The following PCDHA11 variants were observed in gnomAD, a reference collection of about 807,000 sequenced individuals.
PCDHA11 encodes the protein protocadherin alpha 11, also known as protocadherin alpha-11.
In PCDHA11, 61 loss-of-function variants were observed where a neutral mutation model predicts 70.3. That is an observed-to-expected ratio of 0.87 (90% CI 0.71 to 1.07). PCDHA11 has a LOEUF of 1.07. Ranked by LOEUF, PCDHA11 falls within the 50% of genes least tolerant of loss-of-function variation. PCDHA11 has a pLI of 0.00. For synonymous variants in PCDHA11, 633 were observed against 555.1 expected, an observed-to-expected ratio of 1.14 and a Z score of -1.97; for missense variants, 1,324 against 1,237.5, an observed-to-expected ratio of 1.07 and a Z score of -1.05.
chr5:140,884,682 A>C, intron 1 of PCDHA11: 5 of 1,546,956 alleles, frequency 3.2e-6, no homozygotes, highest in Non-Finnish European at 4.4e-6. Flanking sequence ...TATTTTAAAA[A>C]ATTGTCTTAG....
chr5:140,973,468 C>T (rs2096588845), intron 1 of PCDHA11, among the ~76,000 whole-genome samples: 1 of 152,202 alleles, frequency 6.6e-6, no homozygotes, highest in East Asian at 1.9e-4. Context: ...TTTTAGTTTG[C>T]AAATTTCATA....
chr5:140,961,856 C>T (rs781908407), intron 1 of PCDHA11, among the ~76,000 whole-genome samples: 1 of 151,570 alleles, frequency 6.6e-6, no homozygotes, highest in Non-Finnish European at 1.5e-5. Flanking sequence ...GATCATTTAT[C>T]TGGCCACAGA....
chr5:140,974,979 C>T (rs782292099), intron 1 of PCDHA11, among the ~76,000 whole-genome samples: 6 of 152,136 alleles, frequency 3.9e-5, no homozygotes, highest in African/African-American at 7.2e-5. Context: ...CTGAGTTGTC[C>T]GCTCAGGTAT....
chr5:140,902,203 C>CTTTTTTTT (rs148688132), intron 1 of PCDHA11, among the ~76,000 whole-genome samples: 9 of 124,444 alleles, frequency 7.2e-5, no homozygotes, highest in Non-Finnish European at 8.4e-5. Context: ...CTCTCTCTTT[C>CTTTTTTTT]TTTTTTTTTT....
At chr5:140,980,494 A>T (rs868915196) in intron 2 of PCDHA11, among the ~76,000 whole-genome samples, 1 of 152,106 alleles carries the variant, frequency 6.6e-6, no homozygotes, top group African/African-American at 2.4e-5. Context: ...GCTGGGCGTG[A>T]TGGCATGTGC....
At chr5:140,875,447 C>G (rs532829491) in intron 1 of PCDHA11, 1 of 1,584,206 alleles carries the variant, frequency 6.3e-7, no homozygotes, top group African/African-American at 1.4e-5. Flanking sequence ...CTGATTGTCC[C>G]AACTCAGAGG....
chr5:140,990,342 C>A (rs2097389388), intron 3 of PCDHA11, among the ~76,000 whole-genome samples: 1 of 152,124 alleles, frequency 6.6e-6, no homozygotes, highest in Non-Finnish European at 1.5e-5. Flanking sequence ...TAAGTAAAGC[C>A]TGCCCTGTAC....
chr5:140,876,236 T>C (rs782328225), intron 1 of PCDHA11: 24 of 1,613,974 alleles, frequency 1.5e-5, no homozygotes, highest in Non-Finnish European at 1.4e-5. Flanking sequence ...TCTGAAAATG[T>C]CCAAAACGAC....
chr5:140,983,807 G>T (rs1158459034), intron 3 of PCDHA11, among the ~76,000 whole-genome samples: 1 of 152,100 alleles, frequency 6.6e-6, no homozygotes, highest in African/African-American at 2.4e-5. Context: ...TGTGTAAAAG[G>T]TTTTTTCCCA....
rs1222255074 is a variant in PCDHA11 at position 141,012,119 on chromosome 5, A to G, written c.*2182A>G. ...CATTTTGCCCCACTGAAGCCCATGT[A>G]TCTGACCTTACGTGCCTTTTGAACT... On this transcript the variant is annotated 3_prime_UTR_variant, in exon 4 of 4. Coordinates refer to ENST00000398640, the MANE Select transcript of PCDHA11 (RefSeq NM_018902.5). 6.5e-6 allele frequency: 1 copy of G among 153,734 alleles called. No individual in the cohort carries two copies. Among genetic ancestry groups the G allele is most frequent in the African/African-American group, 2.4e-5 (1 of 41,454 alleles). 9.5% of individuals were successfully genotyped at this position (153,734 alleles called of 1,614,324 possible). A position where few individuals can be genotyped will look rare whatever the true frequency, so the allele number is the denominator to read the frequency against.
At chr5:140,954,807 T>TGAAAATGCTTTAGGCACTTTTGTC (rs2095090008) in intron 1 of PCDHA11, among the ~76,000 whole-genome samples, 1 of 152,248 alleles carries the variant, frequency 6.6e-6, no homozygotes, top group Admixed American at 6.5e-5. Flanking sequence ...TTGCTTTTGT[T>TGAAAATGCTTTAGGCACTTTTGTC]GAAATTGCTT....
chr5:140,967,049 A>G (rs782123539), intron 1 of PCDHA11: 12 of 1,612,528 alleles, frequency 7.4e-6, no homozygotes, highest in Non-Finnish European at 9.3e-6. Flanking sequence ...GCTGGACCTG[A>G]CGAGTGGAGC....
At chr5:140,928,293 G>A (rs782241081) in intron 1 of PCDHA11, 1 of 1,614,150 alleles carries the variant, frequency 6.2e-7, no homozygotes, top group South Asian at 1.1e-5. Flanking sequence ...TAGGCCGAGT[G>A]TTTGCCCAGG....
chr5:140,970,948 C>A (rs1339410112), intron 1 of PCDHA11, among the ~76,000 whole-genome samples: 2 of 152,114 alleles, frequency 1.3e-5, no homozygotes, highest in East Asian at 3.8e-4. Flanking sequence ...TGCTGAGAAA[C>A]CATGGGAGGC....
chr5:140,941,191 T>TTTTTCTTTC lies in PCDHA11; in HGVS notation c.2392-37755_2392-37754insTCTTTCTTT, dbSNP rs1554213809. 3.1e-4 allele frequency among the ~76,000 whole-genome samples: 29 copies of TTTTTCTTTC among 93,252 alleles called. No homozygotes were observed. The East Asian group carries it at 6.1e-3, about 20-fold the overall frequency. 61.2% of individuals were successfully genotyped at this position (93,252 alleles called of 152,430 possible). On this transcript the variant is annotated intron_variant, in intron 1 of 3. Transcript: ENST00000398640. ...CATCTTGAACATCCTGCTTCTTTTT[T>TTTTTCTTTC]TTTCTTTCTTCCTTTCTTTCTTCCT...
At chr5:140,969,152 T>C in intron 1 of PCDHA11, 1 of 1,614,002 alleles carries the variant, frequency 6.2e-7, no homozygotes, top group East Asian at 2.2e-5. Flanking sequence ...CTACAAGGCC[T>C]GTCTGACAGC....
chr5:140,885,051 A>G (rs2060446316), intron 1 of PCDHA11, among the ~76,000 whole-genome samples: 1 of 152,230 alleles, frequency 6.6e-6, no homozygotes, highest in Non-Finnish European at 1.5e-5. Context: ...TAATGTATAC[A>G]TATACCCACA....
At chr5:140,897,438 G>A (rs2066109195) in intron 1 of PCDHA11, among the ~76,000 whole-genome samples, 1 of 149,226 alleles carries the variant, frequency 6.7e-6, no homozygotes, top group African/African-American at 2.5e-5. Context: ...AACATGCAGT[G>A]TTTGGTTTTT....
intron 3 of PCDHA11, among the ~76,000 whole-genome samples, chr5:140,997,287 A>G (rs1011963664): frequency 2.0e-5 from 3 of 152,280 alleles, no homozygotes; most frequent in Admixed American, 1.3e-4. Context: ...TCACTTAACA[A>G]TGGGGATACA....
Sources: allele counts gnomAD v4.1 joint callset (sites outside exome capture counted in the v4.1 genomes callset), GRCh38; gene constraint gnomAD v4.1.1; transcripts MANE v1.5; gene names NCBI Gene and HGNC (gene_info 2026-07-23, HGNC 2026-07-21).